The following FANK1 variants were observed in gnomAD, a reference collection of about 807,000 sequenced individuals.
FANK1 encodes fibronectin type 3 and ankyrin repeat domains protein 1.
In FANK1, 44 loss-of-function variants were observed where a neutral mutation model predicts 45.3. The ratio of observed to expected loss-of-function variants is 0.97; its 90% confidence interval spans 0.76 to 1.25. FANK1 has a LOEUF of 1.25. FANK1 is among the 50% of genes most tolerant of loss of function. FANK1 has a pLI of 0.00. For missense variants in FANK1, 391 were observed against 424.4 expected, an observed-to-expected ratio of 0.92 and a Z score of 0.69; for synonymous variants, 149 against 152.5, an observed-to-expected ratio of 0.98 and a Z score of 0.17.
intron 1 of FANK1, among the ~76,000 whole-genome samples, chr10:125,977,827 C>T (rs950850926): frequency 6.6e-5 from 10 of 152,046 alleles, no homozygotes; most frequent in African/African-American, 2.4e-4. Context: ...CTCCTTGGGT[C>T]GACTGTAGCT....
At chr10:125,967,929 G>GT (rs1192496412) in intron 1 of FANK1, among the ~76,000 whole-genome samples, 2 of 152,048 alleles carry the variant, frequency 1.3e-5, no homozygotes, top group Non-Finnish European at 2.9e-5. Context: ...CAGCCAAATT[G>GT]TTTTTTTAAA....
At chr10:125,989,528 G>A in intron 3 of FANK1, 1 of 754,606 alleles carries the variant, frequency 1.3e-6, no homozygotes. Context: ...AGTTAACTCA[G>A]CTTTTGAGTT....
chr10:125,939,486 A>G (rs554679070), intron 1 of FANK1, among the ~76,000 whole-genome samples: 1 of 152,370 alleles, frequency 6.6e-6, no homozygotes, highest in South Asian at 2.1e-4. Context: ...ACATATCAGA[A>G]TAAAGCAAAT....
chr10:125,940,938 A>G (rs1295623236), intron 1 of FANK1, among the ~76,000 whole-genome samples: 2 of 152,236 alleles, frequency 1.3e-5, no homozygotes, highest in African/African-American at 2.4e-5. Context: ...TTCTGTGAGC[A>G]CAAGGTTGGG....
At chr10:125,922,194 G>A (rs376458209) in intron 1 of FANK1, among the ~76,000 whole-genome samples, 23 of 152,204 alleles carry the variant, frequency 1.5e-4, no homozygotes, top group East Asian at 3.9e-4. Context: ...TTAGAAGTAC[G>A]CCATTTAACT....
intron 1 of FANK1, among the ~76,000 whole-genome samples, chr10:125,907,995 C>CTTT (rs56856062): frequency 6.7e-5 from 9 of 133,976 alleles, no homozygotes; most frequent in Non-Finnish European, 9.4e-5. Flanking sequence ...TTTTTTCTCC[C>CTTT]TTTTTTTTTT....
chr10:125,991,525 A>G (rs143813859), intron 3 of FANK1, among the ~76,000 whole-genome samples: 1 of 152,320 alleles, frequency 6.6e-6, no homozygotes, highest in African/African-American at 2.4e-5. Context: ...CAAAGAACTA[A>G]GAAGGTGCAC....
At chr10:125,969,660 G>C (rs1309431139) in intron 1 of FANK1, among the ~76,000 whole-genome samples, 1 of 151,614 alleles carries the variant, frequency 6.6e-6, no homozygotes, top group South Asian at 2.1e-4. Flanking sequence ...ATCATTCTTG[G>C]GTGTTTCTCG....
chr10:125,988,057 C>G (rs1364998363), intron 2 of FANK1, among the ~76,000 whole-genome samples: 2 of 152,336 alleles, frequency 1.3e-5, no homozygotes, highest in East Asian at 3.9e-4. Flanking sequence ...GCTCCCAGCT[C>G]TACTGGAAGT....
At chr10:126,002,650 C>T (rs911759082) in intron 6 of FANK1, among the ~76,000 whole-genome samples, 1 of 151,976 alleles carries the variant, frequency 6.6e-6, no homozygotes, top group South Asian at 2.1e-4. Flanking sequence ...TATTTTCCAA[C>T]TCTCTATTTT....
intron 1 of FANK1, among the ~76,000 whole-genome samples, chr10:125,944,954 C>G (rs1948678524): frequency 6.6e-6 from 1 of 152,192 alleles, no homozygotes; most frequent in South Asian, 2.1e-4. Context: ...GTCTTTAATT[C>G]CTCTAGTGCT....
intron 1 of FANK1, among the ~76,000 whole-genome samples, chr10:125,934,313 G>A (rs1446436028): frequency 6.6e-6 from 1 of 152,078 alleles, no homozygotes; most frequent in Non-Finnish European, 1.5e-5. Flanking sequence ...TTTATTACTT[G>A]GCTTTTCTTT....
chr10:125,908,570 A>G (rs1945729489), intron 1 of FANK1, among the ~76,000 whole-genome samples: 1 of 152,106 alleles, frequency 6.6e-6, no homozygotes. Flanking sequence ...AAGGCATAAG[A>G]ATGATACAAT....
chr10:125,912,742 A>G lies in FANK1; in HGVS notation c.13+16087A>G, dbSNP rs1278589249. ...AACCTCCACCTCCTGAGTTCAAGCA[A>G]TTCTCATGCCTCAGCCTCCCGAGTA... On this transcript the variant is annotated intron_variant, in intron 1 of 10. Coordinates refer to ENST00000368693, the MANE Select transcript of FANK1 (RefSeq NM_145235.5). Among the ~76,000 whole-genome samples the G allele has an allele frequency of 5.3e-5, 8 of 152,200 alleles. No individual in the cohort carries two copies. In the East Asian group the frequency reaches 7.7e-4, roughly 15 times the overall value.
intron 1 of FANK1, among the ~76,000 whole-genome samples, chr10:125,963,954 G>T (rs1297697994): frequency 6.6e-6 from 1 of 151,974 alleles, no homozygotes; most frequent in Non-Finnish European, 1.5e-5. Flanking sequence ...CTATTTAGTT[G>T]GGAGAAGGGT....
intron 1 of FANK1, among the ~76,000 whole-genome samples, chr10:125,965,856 TAGTTA>T (rs1216320369): frequency 1.3e-5 from 2 of 152,238 alleles, no homozygotes; most frequent in Non-Finnish European, 2.9e-5. Context: ...GGTTTCCTTG[TAGTTA>T]AAAGTGTGAA....
rs142364068 is a variant in FANK1 at position 126,005,021 on chromosome 10, T to C, written c.677T>C (p.Ile226Thr). The part of the protein sequence containing the change: ...WAADGGHCSV[I>T]EWMIKDGCEV... ...GCAGATGGAGGCCACTGCAGTGTGA[T>C]TGAGTGGATGATAAAGGATGGCTGT... Residue 226 changes from isoleucine (I) to threonine (T), a missense_variant, in exon 7 of 11, where the codon ATT becomes ACT. Transcript: ENST00000368693. The C allele has an allele frequency of 1.2e-5, 20 of 1,613,834 alleles. No homozygotes were observed. Among genetic ancestry groups the C allele is most frequent in the Middle Eastern group, 1.7e-4 (1 of 6,028 alleles).
At chr10:125,999,262 C>T (rs891843751) in intron 6 of FANK1, among the ~76,000 whole-genome samples, 4 of 145,484 alleles carry the variant, frequency 2.7e-5, no homozygotes, top group East Asian at 4.0e-4. Flanking sequence ...TGCAGTGGCG[C>T]GATCTCAGCC....
intron 1 of FANK1, among the ~76,000 whole-genome samples, chr10:125,929,095 G>C (rs1214944934): frequency 6.6e-6 from 1 of 152,230 alleles, no homozygotes; most frequent in Non-Finnish European, 1.5e-5. Context: ...GATGATGTGC[G>C]TATGCACAGG....
Sources: gnomAD v4.1 joint callset for allele counts (sites outside exome capture counted in the v4.1 genomes callset) on GRCh38, gnomAD v4.1.1 for gene constraint, MANE v1.5 for transcripts, NCBI Gene and HGNC (gene_info 2026-07-23, HGNC 2026-07-21) for gene names.